SULF1: variants seen among roughly 807,000 people sequenced by gnomAD.
The protein encoded by SULF1 is sulfatase 1, also known as extracellular sulfatase Sulf-1.
A neutral mutation model predicts 110.5 loss-of-function variants in SULF1; 46 were observed. The ratio of observed to expected loss-of-function variants is 0.42; its 90% CI spans 0.33 to 0.53. SULF1 has a LOEUF of 0.53. Ranked by LOEUF, SULF1 falls within the 20% of genes least tolerant of loss-of-function variation. The pLI is 0.12. For synonymous variants in SULF1, 371 were observed against 387.1 expected, an observed-to-expected ratio of 0.96 and a Z score of 0.49; for missense variants, 941 against 1,094.2, an observed-to-expected ratio of 0.86 and a Z score of 1.98.
chr8:69,519,431 G>T (rs554940860), intron 3 of SULF1, among the ~76,000 whole-genome samples: 98 of 152,136 alleles, frequency 6.4e-4, no homozygotes, highest in African/African-American at 2.2e-3. Flanking sequence ...AACATGTGGG[G>T]TTTTTTTAAG....
intron 13 of SULF1, among the ~76,000 whole-genome samples, chr8:69,614,449 C>A (rs1045736038): frequency 6.6e-6 from 1 of 152,210 alleles, no homozygotes; most frequent in Non-Finnish European, 1.5e-5. Context: ...TGCTCTAGAG[C>A]AGTACCTGCT....
chr8:69,541,680 A>C (rs2150670069), intron 3 of SULF1, among the ~76,000 whole-genome samples: 1 of 152,358 alleles, frequency 6.6e-6, no homozygotes, highest in South Asian at 2.1e-4. Flanking sequence ...TAAAATGCTC[A>C]CAGGTAGAAA....
At chr8:69,630,535 A>G (rs16936189) in intron 19 of SULF1, among the ~76,000 whole-genome samples, 1,717 of 152,224 alleles carry the variant, frequency 0.011, 41 homozygotes, top group African/African-American at 0.038. Flanking sequence ...ATGTCTCTTG[A>G]TTTCAGGGTC....
intron 6 of SULF1, among the ~76,000 whole-genome samples, chr8:69,578,470 A>G (rs1204990061): frequency 1.3e-5 from 2 of 150,730 alleles, no homozygotes; most frequent in African/African-American, 4.9e-5. Context: ...GTCATTTAGC[A>G]TAAGGTATAT....
At chr8:69,615,794 T>C (rs1809056019) in intron 13 of SULF1, among the ~76,000 whole-genome samples, 1 of 152,162 alleles carries the variant, frequency 6.6e-6, no homozygotes, top group South Asian at 2.1e-4. Flanking sequence ...TAATGGGAAA[T>C]TCAACTAGGA....
intron 2 of SULF1, 116 bp from the exon 3 acceptor site, chr8:69,501,758 A>T (rs1175475214): frequency 2.0e-5 from 3 of 152,186 alleles, no homozygotes; most frequent in African/African-American, 7.2e-5. Context: ...TGAAATTTAG[A>T]GAATATTGTT....
At chr8:69,617,372 GCTATATATAT>G (rs1809233612) in intron 13 of SULF1, among the ~76,000 whole-genome samples, 1 of 61,834 alleles carries the variant, frequency 1.6e-5, no homozygotes, top group African/African-American at 6.3e-5. Context: ...AGCATGCTTA[GCTATATATAT>G]ATATATATAT....
intron 22 of SULF1, among the ~76,000 whole-genome samples, chr8:69,646,759 C>T (rs994801662): frequency 1.3e-5 from 2 of 152,110 alleles, no homozygotes; most frequent in African/African-American, 4.8e-5. Context: ...TATTTAACTT[C>T]TTTTATTATG....
intron 5 of SULF1, among the ~76,000 whole-genome samples, chr8:69,572,887 G>A (rs1805333375): frequency 6.6e-6 from 1 of 152,174 alleles, no homozygotes; most frequent in South Asian, 2.1e-4. Context: ...AAGTGCAGTG[G>A]CGCGATCTTG....
At chr8:69,586,252 A>G in intron 6 of SULF1, 105 bp from the exon 7 acceptor site, 2 of 1,223,100 alleles carry the variant, frequency 1.6e-6, no homozygotes, top group Non-Finnish European at 2.2e-6. Flanking sequence ...ACCTAGGGCA[A>G]CTTTTGTTTT....
At chr8:69,556,957 T>C (rs1382809201) in intron 3 of SULF1, among the ~76,000 whole-genome samples, 1 of 152,084 alleles carries the variant, frequency 6.6e-6, no homozygotes. Context: ...GCGTGTGCTG[T>C]TCCCCCACAT....
At chr8:69,595,584 G>A (rs1363867810) in intron 8 of SULF1, among the ~76,000 whole-genome samples, 1 of 152,176 alleles carries the variant, frequency 6.6e-6, no homozygotes, top group Non-Finnish European at 1.5e-5. Flanking sequence ...AATTTCCAAT[G>A]TAATGCTTTG....
intron 19 of SULF1, among the ~76,000 whole-genome samples, chr8:69,632,620 A>G (rs928530620): frequency 6.6e-6 from 1 of 152,210 alleles, no homozygotes; most frequent in East Asian, 1.9e-4. Context: ...CTCCAATGCA[A>G]TGGTCTCTAA....
intron 19 of SULF1, among the ~76,000 whole-genome samples, chr8:69,632,706 A>T (rs2130634363): frequency 6.6e-6 from 1 of 152,326 alleles, no homozygotes; most frequent in Admixed American, 6.5e-5. Flanking sequence ...TAATATACAA[A>T]CATGCCTGTG....
chr8:69,574,094 A>G (rs1333890743), intron 5 of SULF1, among the ~76,000 whole-genome samples: 1 of 152,182 alleles, frequency 6.6e-6, no homozygotes, highest in African/African-American at 2.4e-5. Context: ...TTGCAACTGC[A>G]ACGCCTCTCG....
At chr8:69,571,978 G>A (rs183171986) in intron 5 of SULF1, among the ~76,000 whole-genome samples, 1 of 152,234 alleles carries the variant, frequency 6.6e-6, no homozygotes, top group East Asian at 1.9e-4. Flanking sequence ...AACAATTAAC[G>A]CCACCATGGC....
chr8:69,514,978 C>A (rs1287263560), intron 3 of SULF1, among the ~76,000 whole-genome samples: 2 of 151,952 alleles, frequency 1.3e-5, no homozygotes, highest in African/African-American at 2.4e-5. Flanking sequence ...TCCTGGGCTG[C>A]TTTCACAGGC....
At chr8:69,566,170 C>A (rs1439762905) in intron 5 of SULF1, among the ~76,000 whole-genome samples, 2 of 152,160 alleles carry the variant, frequency 1.3e-5, no homozygotes, top group East Asian at 3.9e-4. Context: ...TGTTGCACTC[C>A]TCATGCACTC....
chr8:69,621,487 T>G (rs759890117), intron 14 of SULF1, among the ~76,000 whole-genome samples: 1 of 152,220 alleles, frequency 6.6e-6, no homozygotes, highest in Non-Finnish European at 1.5e-5. Flanking sequence ...AAGCACCAGA[T>G]GCAAAACATA....
Sources: gnomAD v4.1 joint callset for allele counts (sites outside exome capture counted in the v4.1 genomes callset) on GRCh38, gnomAD v4.1.1 for gene constraint, MANE v1.5 for transcripts, NCBI Gene and HGNC (gene_info 2026-07-23, HGNC 2026-07-21) for gene names.